GPR174: variants seen among roughly 807,000 people sequenced by gnomAD.
The protein encoded by GPR174 is G protein-coupled receptor 174, also known as probable G protein-coupled receptor 174.
A neutral mutation model predicts 16.5 loss-of-function variants in GPR174; 8 were observed. The observed-to-expected ratio is 0.48, with a 90% confidence interval of 0.28 to 0.87. The LOEUF (loss-of-function observed/expected upper bound fraction) is 0.87, where lower values mean the gene tolerates loss of function less well. Ranked by LOEUF, GPR174 falls within the 40% of genes least tolerant of loss-of-function variation. GPR174 has a pLI of 0.09. For missense variants in GPR174, 214 were observed against 247.5 expected (o/e 0.86, Z 0.91); for synonymous variants, 111 against 94.8 (o/e 1.17, Z -0.99).
intron 2 of GPR174, among the ~76,000 whole-genome samples, chrX:79,159,633 G>A (rs1435021181): frequency 8.9e-6 from 1 of 111,876 alleles, no homozygotes; most frequent in Non-Finnish European, 1.9e-5. Flanking sequence ...AGAAGTGGCA[G>A]AGACAAGATT....
In GPR174 at chrX:79,170,924, T is replaced by C; in HGVS notation, c.-84T>C. 1.2e-6 allele frequency: 1 copy of C among 865,393 alleles called. No individual in the cohort carries two copies. The highest frequency in any genetic ancestry group is 1.6e-6 in the Non-Finnish European group (1 of 614,197). 71.3% of individuals were successfully genotyped at this position (865,393 alleles called of 1,213,427 possible). On this transcript the variant is annotated 5_prime_UTR_variant, in exon 3 of 3. Coordinates refer to ENST00000645147, the MANE Select transcript of GPR174 (RefSeq NM_032553.3). ...CTTCGTATCTCCAACCCACTGGCAATCAATCTTTTGGAAGGAACAGCAGTT... is the reference window on the plus strand; with the variant it reads ...CTTCGTATCTCCAACCCACTGGCAACCAATCTTTTGGAAGGAACAGCAGTT...
chrX:79,165,040 TTAGAG>T (rs1921324459), intron 2 of GPR174, among the ~76,000 whole-genome samples: 1 of 111,445 alleles, frequency 9.0e-6, no homozygotes, highest in African/African-American at 3.3e-5. Flanking sequence ...TGTGCGCTTT[TTAGAG>T]TAATTACTGA....
At chrX:79,164,001 A>G (rs1921295992) in intron 2 of GPR174, among the ~76,000 whole-genome samples, 1 of 111,710 alleles carries the variant, frequency 9.0e-6, no homozygotes, top group Non-Finnish European at 1.9e-5. Flanking sequence ...AATATATATG[A>G]TGCCATCTGA....
chrX:79,145,653 T>A (rs1348585068), intron 1 of GPR174, among the ~76,000 whole-genome samples: 1 of 111,688 alleles, frequency 9.0e-6, no homozygotes, highest in African/African-American at 3.3e-5. Flanking sequence ...CTGGTTAACT[T>A]TGTGTCCTTT....
intron 1 of GPR174, among the ~76,000 whole-genome samples, chrX:79,151,832 G>A (rs1926606877): frequency 8.9e-6 from 1 of 111,969 alleles, no homozygotes; most frequent in African/African-American, 3.2e-5. Context: ...ATTTACTTGA[G>A]GAGGATAAGC....
intron 2 of GPR174, among the ~76,000 whole-genome samples, chrX:79,168,802 G>A (rs1017547842): frequency 9.0e-6 from 1 of 110,873 alleles, no homozygotes; most frequent in South Asian, 3.8e-4. Flanking sequence ...AAACCCAGGT[G>A]CACATTTTGA....
intron 2 of GPR174, among the ~76,000 whole-genome samples, chrX:79,162,818 C>A (rs912980214): frequency 3.6e-5 from 4 of 111,472 alleles, no homozygotes; most frequent in African/African-American, 1.3e-4. Context: ...CAGGTACATG[C>A]AACATGCTAT....
chrX:79,155,460 G>C (rs891477754), intron 1 of GPR174, among the ~76,000 whole-genome samples: 3 of 110,953 alleles, frequency 2.7e-5, no homozygotes, highest in Non-Finnish European at 5.7e-5. Flanking sequence ...TTCCTCATCA[G>C]GTCTTTTTAA....
intron 2 of GPR174, among the ~76,000 whole-genome samples, chrX:79,168,392 A>G (rs897724014): frequency 2.7e-5 from 3 of 111,532 alleles, no homozygotes; most frequent in African/African-American, 6.5e-5. Flanking sequence ...TCTACTTGCA[A>G]TTAGTGTCTC....
At position 79,166,438 on chromosome X, in the gene GPR174, T is replaced by TC. The variant is rs1277840276; in HGVS notation, c.-556-4014_-556-4013insC. On this transcript the variant is annotated intron_variant, in intron 2 of 2. Transcript: ENST00000645147. Reference sequence around the variant, plus strand: ...TTTTTTTCTTTTCTTTTTTCTTTTTTTTTTTTTTTTTTTTTTTTTTGAGAC... The same window carrying TC: ...TTTTTTTCTTTTCTTTTTTCTTTTTTCTTTTTTTTTTTTTTTTTTTTGAGAC... Among the ~76,000 whole-genome samples the TC allele has an allele frequency of 1.3e-4, 9 of 69,428 alleles. No individual in the cohort carries two copies. The South Asian group carries it at 4.9e-3, about 38-fold the overall frequency. 60.3% of individuals were successfully genotyped at this position (69,428 alleles called of 115,157 possible). A position where few individuals can be genotyped will look rare whatever the true frequency, so the allele number is the denominator to read the frequency against.
In GPR174 at chrX:79,171,024, C is replaced by A; in HGVS notation, c.17C>A (p.Thr6Lys). The A allele has an allele frequency of 1.7e-6, 2 of 1,196,466 alleles. No individual in the cohort carries two copies. Among genetic ancestry groups the A allele is most frequent in the Non-Finnish European group, 2.3e-6 (2 of 887,090 alleles). The change falls in exon 3 of 3, where the codon ACG (threonine) becomes AAG (lysine). Residue 6 changes from threonine to lysine, a missense_variant. Thr to Lys is a moderately conservative substitution (Grantham distance 78). Transcript: ENST00000645147. MPANY[T>K]CTRPDGDNTD... ...GAGAGAATCATGCCTGCTAATTACA[C>A]GTGTACCAGGCCAGATGGAGACAAT...
At chrX:79,153,755 A>G (rs1159097314) in intron 1 of GPR174, among the ~76,000 whole-genome samples, 1 of 111,945 alleles carries the variant, frequency 8.9e-6, no homozygotes, top group Admixed American at 9.5e-5. Context: ...AGCTACACAC[A>G]TAGTATAGAA....
In GPR174 at chrX:79,171,546, C is replaced by A. The variant is rs757599745; in HGVS notation, c.539C>A (p.Ala180Asp). ...VDLPTRNVNLAQSVVMMTIGE... is the reference protein window; with the variant it reads ...VDLPTRNVNLDQSVVMMTIGE... ...CTTCCTACCAGGAATGTCAACCTGG[C>A]CCAGTCCGTTGTTATGATGACCATT... Residue 180 changes from alanine to aspartate, a missense_variant, in exon 3 of 3, where the codon GCC becomes GAC. By Grantham distance (126) the Ala-to-Asp change is moderately radical. Transcript: ENST00000645147. The A allele has an allele frequency of 8.3e-7, 1 of 1,211,033 alleles. No homozygotes were observed. Among genetic ancestry groups the A allele is most frequent in the Non-Finnish European group, 1.1e-6 (1 of 895,235 alleles).
intron 2 of GPR174, among the ~76,000 whole-genome samples, chrX:79,164,775 A>C (rs745510866): frequency 8.9e-6 from 1 of 111,940 alleles, no homozygotes; most frequent in South Asian, 3.7e-4. Context: ...ACGAAGATCC[A>C]GAAAATTAAT....
At chrX:79,165,571 G>T (rs1378755466) in intron 2 of GPR174, among the ~76,000 whole-genome samples, 1 of 111,755 alleles carries the variant, frequency 8.9e-6, no homozygotes, top group Admixed American at 9.5e-5. Context: ...AAGTGGGAAA[G>T]AATATTTACC....
intron 1 of GPR174, among the ~76,000 whole-genome samples, chrX:79,154,084 T>C (rs186319100): frequency 4.8e-4 from 54 of 111,911 alleles, no homozygotes; most frequent in Non-Finnish European, 5.7e-4. Context: ...TATCAATGGA[T>C]ACGACATGCT....
intron 2 of GPR174, among the ~76,000 whole-genome samples, chrX:79,170,126 C>T (rs1275737534): frequency 2.7e-5 from 3 of 111,500 alleles, no homozygotes; most frequent in South Asian, 3.8e-4. Context: ...AATGTTAATA[C>T]GCAGAAGAAT....
chrX:79,170,351 A>G (rs1238154579), intron 2 of GPR174, 101 bp from the exon 3 acceptor site: 1 of 107,832 alleles, frequency 9.3e-6, no homozygotes, highest in Non-Finnish European at 1.9e-5. Context: ...CTTACTTAAG[A>G]ATTTTTTCAT....
At chrX:79,165,061 C>A (rs750116579) in intron 2 of GPR174, among the ~76,000 whole-genome samples, 1 of 110,612 alleles carries the variant, frequency 9.0e-6, no homozygotes, top group South Asian at 3.9e-4. Context: ...ACTGAGAGGC[C>A]AACAATTCGT....
Sources: allele counts gnomAD v4.1 joint callset (sites outside exome capture counted in the v4.1 genomes callset), GRCh38; gene constraint gnomAD v4.1.1; transcripts MANE v1.5; gene names NCBI Gene and HGNC (gene_info 2026-07-23, HGNC 2026-07-21).